The following CFAP54 variants were observed in gnomAD, a reference collection of about 807,000 sequenced individuals.
CFAP54 encodes the protein cilia- and flagella-associated protein 54.
A neutral mutation model predicts 370.4 loss-of-function variants in CFAP54; 290 were observed. That is an observed-to-expected ratio of 0.78 (90% CI 0.71 to 0.86). The LOEUF is 0.86. Among genes scored for constraint, CFAP54 ranks in the 40% least tolerant of loss-of-function variants. CFAP54 has a pLI of 0.00. For missense variants in CFAP54, 3,399 were observed against 3,528.7 expected (o/e 0.96, Z 0.93); for synonymous variants, 1,206 against 1,236.5 (o/e 0.98, Z 0.52).
At chr12:96,728,412 T>G (rs1957870069) in intron 50 of CFAP54, among the ~76,000 whole-genome samples, 1 of 152,206 alleles carries the variant, frequency 6.6e-6, no homozygotes. Flanking sequence ...CCCTTCTCGC[T>G]TCATTTCATT....
intron 66 of CFAP54, among the ~76,000 whole-genome samples, chr12:96,838,174 A>G (rs1246233885): frequency 1.3e-5 from 2 of 152,346 alleles, no homozygotes; most frequent in South Asian, 4.1e-4. Flanking sequence ...AAGACGAAGC[A>G]GAAAATAAGC....
chr12:96,668,903 A>G (rs769504813), intron 39 of CFAP54, among the ~76,000 whole-genome samples: 8 of 152,216 alleles, frequency 5.3e-5, no homozygotes, highest in Middle Eastern at 3.2e-3. Flanking sequence ...GGAGCCAGTC[A>G]GCTAGTCATT....
At chr12:96,496,476 G>C (rs1954956005) in intron 1 of CFAP54, among the ~76,000 whole-genome samples, 1 of 152,196 alleles carries the variant, frequency 6.6e-6, no homozygotes, top group African/African-American at 2.4e-5. Context: ...TCCTCTCCTG[G>C]TTTGTAGAAG....
intron 8 of CFAP54, 45 bp downstream of exon 8, chr12:96,522,234 A>G (rs768205248): frequency 6.2e-6 from 8 of 1,295,238 alleles, no homozygotes; most frequent in East Asian, 2.5e-5. Flanking sequence ...TTTTTGCAGT[A>G]TATTTGTATT....
At chr12:96,665,778 C>T (rs376849752) in intron 39 of CFAP54, among the ~76,000 whole-genome samples, 60 of 152,244 alleles carry the variant, frequency 3.9e-4, no homozygotes, top group Middle Eastern at 3.4e-3. Flanking sequence ...GTCCTTTTTG[C>T]TTAGTATTAT....
chr12:96,821,658 C>T (rs1959036536), intron 65 of CFAP54, among the ~76,000 whole-genome samples: 1 of 140,510 alleles, frequency 7.1e-6, no homozygotes, highest in African/African-American at 2.7e-5. Context: ...AATGAAATTA[C>T]ATATAAATTT....
At chr12:96,751,172 A>G (rs1321482050) in intron 55 of CFAP54, among the ~76,000 whole-genome samples, 1 of 152,190 alleles carries the variant, frequency 6.6e-6, no homozygotes, top group Non-Finnish European at 1.5e-5. Context: ...TACTGATTCT[A>G]TGATAGGAGT....
In CFAP54 at chr12:96,693,797, A is replaced by G; in HGVS notation, c.6340A>G (p.Arg2114Gly). ...AGACATAACAAGAAATCTAGAAGCA[A>G]GAATCCTCAAGGTATGTTACAAGCT... is the stretch of plus-strand genomic sequence containing the variant. ...CQDITRNLEA[R>G]ILKIEVLIDL... Residue 2114 changes from arginine (R) to glycine (G), a missense_variant, in exon 45 of 68, where the codon AGA becomes GGA. By Grantham distance (125) the Arg-to-Gly change is moderately radical (BLOSUM62 -2). Transcript: ENST00000524981. The G allele has an allele frequency of 3.2e-6, 5 of 1,570,880 alleles. No individual in the cohort carries two copies. The highest frequency in any genetic ancestry group is 4.4e-6 in the Non-Finnish European group (5 of 1,143,024).
chr12:96,630,485 G>T, intron 31 of CFAP54, 66 bp from the exon 32 acceptor site: 1 of 819,474 alleles, frequency 1.2e-6, no homozygotes, highest in South Asian at 2.3e-5. Context: ...ATTAGAGTAT[G>T]AATAAATTAT....
intron 1 of CFAP54, among the ~76,000 whole-genome samples, chr12:96,493,166 A>G (rs1218137941): frequency 1.3e-5 from 2 of 152,184 alleles, no homozygotes; most frequent in Non-Finnish European, 2.9e-5. Context: ...AACCTCTCAC[A>G]CAATTTTGGC....
chr12:96,731,582 A>G (rs954778979), intron 50 of CFAP54, among the ~76,000 whole-genome samples: 1 of 152,214 alleles, frequency 6.6e-6, no homozygotes, highest in African/African-American at 2.4e-5. Flanking sequence ...TCACAGGAAA[A>G]CTAGAAGTTT....
chr12:96,853,885 C>T (rs943962916), intron 66 of CFAP54, among the ~76,000 whole-genome samples: 1 of 151,674 alleles, frequency 6.6e-6, no homozygotes, highest in Admixed American at 6.6e-5. Context: ...GACAAATGAC[C>T]ACTTGTCTCT....
chr12:96,493,118 A>G (rs1954904881), intron 1 of CFAP54, among the ~76,000 whole-genome samples: 1 of 152,242 alleles, frequency 6.6e-6, no homozygotes, highest in Non-Finnish European at 1.5e-5. Flanking sequence ...AGACTATAAG[A>G]ATCACAAGCA....
At position 96,679,748 on chromosome 12, in the gene CFAP54, A is replaced by G. The variant is rs1455813432; in HGVS notation, c.5712A>G (p.Thr1904=). 6.2e-7 allele frequency: 1 copy of G among 1,612,332 alleles called. No individual in the cohort carries two copies. The highest frequency in any genetic ancestry group is 1.7e-5 in the Admixed American group (1 of 59,808). Residue 1904 remains threonine (T), a synonymous_variant, in exon 40 of 68, where the codon ACA becomes ACG. Coordinates refer to ENST00000524981, the MANE Select transcript of CFAP54 (RefSeq NM_001306084.2). ...TGCTTTCATTATTTCTTGCACAGAC[A>G]CAAGGTAAAATGCATGTTCTGTATC... ...RKLLSLFLAQ[T]QDVLQASNQR...
intron 48 of CFAP54, among the ~76,000 whole-genome samples, chr12:96,718,075 T>A (rs1957706295): frequency 6.6e-6 from 1 of 152,126 alleles, no homozygotes; most frequent in South Asian, 2.1e-4. Context: ...TTAATAGAAT[T>A]AGGGTGGGTG....
In CFAP54 at chr12:96,625,753, A is replaced by AT. The variant is rs1366381156; in HGVS notation, c.3923dup (p.Phe1309IlefsTer22). Reference sequence around the variant, plus strand: ...TGAACTCTCAGGAGGAGAGGACCCTATATTTCTTTATCCTGTAGTTTTGAA... The same window carrying AT: ...TGAACTCTCAGGAGGAGAGGACCCTATTATTTCTTTATCCTGTAGTTTTGAA... On this transcript the variant is annotated frameshift_variant, in exon 29 of 68. Coordinates refer to ENST00000524981, the MANE Select transcript of CFAP54 (RefSeq NM_001306084.2). LOFTEE classifies it high-confidence loss of function. 3.3e-6 allele frequency: 5 copies of AT among 1,535,638 alleles called. No homozygotes were observed. Among genetic ancestry groups the AT allele is most frequent in the Non-Finnish European group, 4.4e-6 (5 of 1,146,696 alleles).
intron 26 of CFAP54, among the ~76,000 whole-genome samples, chr12:96,611,331 C>T (rs1298306292): frequency 6.6e-6 from 1 of 152,144 alleles, no homozygotes; most frequent in Non-Finnish European, 1.5e-5. Context: ...AGGGTCCTGA[C>T]TGTTAGAAGA....
intron 17 of CFAP54, among the ~76,000 whole-genome samples, chr12:96,556,602 T>C (rs1449799852): frequency 2.6e-5 from 4 of 152,100 alleles, no homozygotes; most frequent in Non-Finnish European, 4.4e-5. Context: ...CACATGCACA[T>C]GTATGTTCAT....
chr12:96,630,530 C>T (rs1191423014), intron 31 of CFAP54, 21 bp from the exon 32 acceptor site: 4 of 1,257,046 alleles, frequency 3.2e-6, no homozygotes, highest in African/African-American at 3.1e-5. Context: ...TAACTTGTAA[C>T]ATTTTATCTC....
Sources: gnomAD v4.1 joint callset for allele counts (sites outside exome capture counted in the v4.1 genomes callset) on GRCh38, gnomAD v4.1.1 for gene constraint, MANE v1.5 for transcripts, NCBI Gene and HGNC (gene_info 2026-07-23, HGNC 2026-07-21) for gene names.